The following DNTT variants were observed in gnomAD, a reference collection of about 807,000 sequenced individuals.
DNTT encodes the protein nucleosidetriphosphate:DNA deoxynucleotidylexotransferase.
A neutral mutation model predicts 60.9 loss-of-function variants in DNTT; 47 were observed. That is an observed-to-expected ratio of 0.77 (90% CI 0.61 to 0.98). The LOEUF is 0.98. DNTT is among the 50% of genes least tolerant of loss of function. The probability of loss-of-function intolerance (pLI) is 0.00; values close to 1 mark genes in which losing one functional copy is unlikely to be tolerated. For synonymous variants in DNTT, 224 were observed against 221.2 expected, an observed-to-expected ratio of 1.01 and a Z score of -0.11; for missense variants, 665 against 627.5, an observed-to-expected ratio of 1.06 and a Z score of -0.64.
intron 7 of DNTT, 48 bp downstream of exon 7, chr10:96,327,648 G>A (rs772136755): frequency 6.3e-7 from 1 of 1,577,538 alleles, no homozygotes; most frequent in Non-Finnish European, 8.6e-7. Flanking sequence ...TACTTCAGTG[G>A]CTCCCTGACT....
At chr10:96,337,231 TCCC>T (rs906689047) in intron 10 of DNTT, among the ~76,000 whole-genome samples, 4 of 152,066 alleles carry the variant, frequency 2.6e-5, no homozygotes, top group African/African-American at 9.7e-5. Context: ...TCCTAATAGT[TCCC>T]CCAAGAATCC....
intron 6 of DNTT, among the ~76,000 whole-genome samples, chr10:96,325,141 T>C: frequency 6.6e-6 from 1 of 152,264 alleles, no homozygotes; most frequent in East Asian, 1.9e-4. Flanking sequence ...TGAAAAAAAC[T>C]GTGTGTTTAA....
chr10:96,334,042 T>C (rs530354715), intron 9 of DNTT, among the ~76,000 whole-genome samples: 1 of 152,368 alleles, frequency 6.6e-6, no homozygotes, highest in South Asian at 2.1e-4. Context: ...ATTTTATCAT[T>C]CTGCAATGTA....
intron 9 of DNTT, among the ~76,000 whole-genome samples, chr10:96,333,280 TC>T (rs1410806141): frequency 6.6e-6 from 1 of 152,206 alleles, no homozygotes; most frequent in African/African-American, 2.4e-5. Flanking sequence ...TTATCTCACA[TC>T]CGTCAGATTG....
Position 96,332,451 on chromosome 10 carries a change from T to C in DNTT, c.1214T>C (p.Leu405Pro). ...DALDHFQKCF[L>P]IFKLPRQRVD... is the part of the protein sequence containing the mutation. ...TTGGATCATTTTCAAAAGTGCTTTC[T>C]GATTTTCAAATTGCCTCGTCAAAGA... Residue 405 changes from leucine (L) to proline (P), a missense_variant, in exon 9 of 11, where the codon CTG becomes CCG. Physicochemically the swap from Leu to Pro is moderately conservative, Grantham distance 98 (BLOSUM62 -3). Transcript: ENST00000371174. 6.2e-7 allele frequency: 1 copy of C among 1,614,218 alleles called. No individual in the cohort carries two copies. The highest frequency in any genetic ancestry group is 8.5e-7 in the Non-Finnish European group (1 of 1,180,014).
intron 3 of DNTT, among the ~76,000 whole-genome samples, chr10:96,320,116 A>C (rs993621092): frequency 6.6e-6 from 1 of 152,222 alleles, no homozygotes; most frequent in African/African-American, 2.4e-5. Flanking sequence ...TCACACAGCT[A>C]CAGCTGCTTC....
At chr10:96,327,333 CT>C in intron 6 of DNTT, 134 bp from the exon 7 acceptor site, 2 of 1,296,340 alleles carry the variant, frequency 1.5e-6, no homozygotes, top group Non-Finnish European at 2.2e-6. Flanking sequence ...TATTCTGTCT[CT>C]GTGGGAATGG....
In DNTT at chr10:96,322,693, G is replaced by A. The variant is rs1344590170; in HGVS notation, c.715G>A (p.Ala239Thr). The A allele has an allele frequency of 6.2e-7, 1 of 1,602,772 alleles. No homozygotes were observed. Among genetic ancestry groups the A allele is most frequent in the Non-Finnish European group, 8.5e-7 (1 of 1,171,828 alleles). ...IEDGESSEVK[A>T]VLNDERYQSF... ...AGATGGAGAAAGTTCTGAAGTTAAA[G>A]CTGTGTTAAATGATGAACGATATCA... The change falls in exon 5 of 11, where the codon GCT becomes ACT. Residue 239 changes from alanine (A) to threonine (T), a missense_variant. By Grantham distance (58) the Ala-to-Thr change is moderately conservative (BLOSUM62 0). Coordinates refer to ENST00000371174, the MANE Select transcript of DNTT (RefSeq NM_004088.4).
intron 1 of DNTT, among the ~76,000 whole-genome samples, chr10:96,307,733 A>ATAT (rs1491263751): frequency 4.9e-5 from 3 of 60,762 alleles, no homozygotes; most frequent in South Asian, 5.5e-4. Context: ...ATATATATAT[A>ATAT]AGCATATATA....
At chr10:96,328,617 C>A in intron 7 of DNTT, 108 bp from the exon 8 acceptor site, 2 of 1,063,022 alleles carry the variant, frequency 1.9e-6, no homozygotes, top group Non-Finnish European at 1.3e-6. Context: ...AGTCAAGAAC[C>A]TTCTATGTTG....
At chr10:96,318,317 TG>T (rs1564871106) in intron 1 of DNTT, 34 bp from the exon 2 acceptor site, 2 of 1,582,170 alleles carry the variant, frequency 1.3e-6, no homozygotes, top group South Asian at 1.2e-5. Flanking sequence ...TTTTGAAAGA[TG>T]TTTCAGCTGG....
At chr10:96,321,675 G>A (rs572822249) in intron 4 of DNTT, among the ~76,000 whole-genome samples, 17 of 152,160 alleles carry the variant, frequency 1.1e-4, no homozygotes, top group Non-Finnish European at 2.1e-4. Context: ...GACCATCACG[G>A]AATTGCCTCT....
intron 1 of DNTT, among the ~76,000 whole-genome samples, chr10:96,305,592 C>A (rs1022577195): frequency 1.1e-4 from 17 of 152,170 alleles, no homozygotes; most frequent in Non-Finnish European, 4.4e-5. Context: ...ACCGCTTTGA[C>A]TGTGCAAGAA....
At chr10:96,331,000 C>A (rs1169823954) in intron 8 of DNTT, among the ~76,000 whole-genome samples, 2 of 152,160 alleles carry the variant, frequency 1.3e-5, no homozygotes, top group African/African-American at 4.8e-5. Context: ...TAGCATGTTT[C>A]TCTCTCCTGT....
At chr10:96,330,333 T>C (rs1178301746) in intron 8 of DNTT, among the ~76,000 whole-genome samples, 1 of 125,926 alleles carries the variant, frequency 7.9e-6, no homozygotes, top group Non-Finnish European at 1.7e-5. Context: ...TTTTTTTTTT[T>C]AAGGGAAGGT....
chr10:96,329,222 T>A (rs1422096278), intron 8 of DNTT, among the ~76,000 whole-genome samples: 1 of 152,220 alleles, frequency 6.6e-6, no homozygotes, highest in Non-Finnish European at 1.5e-5. Context: ...AAAATCAGTC[T>A]AAGAGGTGTT....
rs141510581 is a variant in DNTT, at chr10:96,331,580, C to T, written c.1114-771C>T. 5.6e-3 allele frequency among the ~76,000 whole-genome samples: 849 copies of T among 152,220 alleles called. 6 individuals carry two copies. Among genetic ancestry groups the T allele is most frequent in the African/African-American group, 0.019 (775 of 41,500 alleles). Reference sequence around the variant, plus strand: ...CACGGGAGCTAACAAAGTGAGAACTCACTCATTACCATGAGGATGAGGACG... The same window carrying T: ...CACGGGAGCTAACAAAGTGAGAACTTACTCATTACCATGAGGATGAGGACG... On this transcript the variant is annotated intron_variant, in intron 8 of 10. Coordinates refer to ENST00000371174, the MANE Select transcript of DNTT (RefSeq NM_004088.4).
chr10:96,319,197 T>G, intron 2 of DNTT, 65 bp from the exon 3 acceptor site: 1 of 1,538,920 alleles, frequency 6.5e-7, no homozygotes, highest in African/African-American at 1.4e-5. Flanking sequence ...TTCCAAATTT[T>G]TTCCGTACAT....
intron 1 of DNTT, among the ~76,000 whole-genome samples, chr10:96,317,673 G>A (rs1219755377): frequency 6.6e-6 from 1 of 152,136 alleles, no homozygotes; most frequent in Non-Finnish European, 1.5e-5. Context: ...CGAGAGAGCT[G>A]CCTTCCCCTT....
Sources: allele counts gnomAD v4.1 joint callset (sites outside exome capture counted in the v4.1 genomes callset), GRCh38; gene constraint gnomAD v4.1.1; transcripts MANE v1.5; gene names NCBI Gene and HGNC (gene_info 2026-07-23, HGNC 2026-07-21).